The following DSCAM variants were observed in gnomAD, a reference collection of about 807,000 sequenced individuals.
The protein encoded by DSCAM is DS cell adhesion molecule, also known as cell adhesion molecule DSCAM.
In DSCAM, 47 loss-of-function variants were observed where a neutral mutation model predicts 217.7. The ratio of observed to expected loss-of-function variants is 0.22; its 90% CI spans 0.17 to 0.28. The LOEUF is 0.28. Ranked by LOEUF, DSCAM falls within the 10% of genes least tolerant of loss-of-function variation. The pLI, the probability that DSCAM is intolerant of heterozygous loss-of-function variation, is 1.00. For synonymous variants in DSCAM, 1,056 were observed against 1,015.3 expected (o/e 1.04, Z -0.76); for missense variants, 2,080 against 2,618.3 (o/e 0.79, Z 4.49).
intron 1 of DSCAM, among the ~76,000 whole-genome samples, chr21:40,741,488 T>A (rs1347656092): frequency 6.6e-6 from 1 of 152,176 alleles, no homozygotes; most frequent in Non-Finnish European, 1.5e-5. Context: ...TGGTTCCCCA[T>A]ACCAACAACA....
At chr21:40,535,251 AAAC>A (rs2076486376) in intron 3 of DSCAM, among the ~76,000 whole-genome samples, 1 of 152,234 alleles carries the variant, frequency 6.6e-6, no homozygotes, top group Non-Finnish European at 1.5e-5. Flanking sequence ...TAAGCACTAA[AAAC>A]AAAATGTTCA....
At chr21:40,821,137 CATATAT>C (rs5844044) in intron 1 of DSCAM, among the ~76,000 whole-genome samples, 1 of 138,266 alleles carries the variant, frequency 7.2e-6, no homozygotes, top group African/African-American at 2.7e-5. Flanking sequence ...TATATCTTCA[CATATAT>C]ATATATACAC....
chr21:40,222,752 G>A (rs9982745), intron 11 of DSCAM, among the ~76,000 whole-genome samples: 79,004 of 151,970 alleles, frequency 0.52, 20,839 homozygotes, highest in Middle Eastern at 0.64. Flanking sequence ...GTAATCTCTA[G>A]TACAGCAAAT....
At chr21:40,141,319 T>A (rs2090287111) in intron 18 of DSCAM, among the ~76,000 whole-genome samples, 1 of 152,056 alleles carries the variant, frequency 6.6e-6, no homozygotes, top group South Asian at 2.1e-4. Flanking sequence ...TCAGAGGGGT[T>A]GAAAGAAGCC....
intron 3 of DSCAM, among the ~76,000 whole-genome samples, chr21:40,472,712 T>C (rs28582444): frequency 0.14 from 20,608 of 152,160 alleles, 1,508 homozygotes; most frequent in Middle Eastern, 0.2. Flanking sequence ...TTTTTTTAAA[T>C]GGTTTGTGTG....
At chr21:40,412,313 A>G (rs1175846250) in intron 3 of DSCAM, among the ~76,000 whole-genome samples, 1 of 152,230 alleles carries the variant, frequency 6.6e-6, no homozygotes, top group African/African-American at 2.4e-5. Flanking sequence ...GGTAACAAGA[A>G]GAGGCTGGGA....
chr21:40,078,647 C>G, intron 26 of DSCAM, 40 bp downstream of exon 26: 1 of 1,593,558 alleles, frequency 6.3e-7, no homozygotes, highest in Non-Finnish European at 8.6e-7. Context: ...GCACATCCCC[C>G]AAGACACAAG....
chr21:40,171,068 C>G (rs967629301), intron 15 of DSCAM, among the ~76,000 whole-genome samples: 3 of 152,140 alleles, frequency 2.0e-5, no homozygotes, highest in Non-Finnish European at 4.4e-5. Context: ...CTTTTCCAAT[C>G]TGGTCTGGTA....
At chr21:40,632,105 G>A (rs1230219492) in intron 3 of DSCAM, among the ~76,000 whole-genome samples, 1 of 152,180 alleles carries the variant, frequency 6.6e-6, no homozygotes, top group Non-Finnish European at 1.5e-5. Flanking sequence ...CCCTGGGCAT[G>A]GGGCCTCCAA....
chr21:40,562,825 C>T (rs1330139658), intron 3 of DSCAM, among the ~76,000 whole-genome samples: 1 of 152,126 alleles, frequency 6.6e-6, no homozygotes, highest in Non-Finnish European at 1.5e-5. Context: ...GCAATGCTCA[C>T]AAAAACTACT....
At chr21:40,778,059 G>T (rs1470790713) in intron 1 of DSCAM, among the ~76,000 whole-genome samples, 1 of 152,078 alleles carries the variant, frequency 6.6e-6, no homozygotes, top group African/African-American at 2.4e-5. Context: ...ACTCTTTTAT[G>T]AAAAAGATAA....
intron 3 of DSCAM, among the ~76,000 whole-genome samples, chr21:40,442,656 A>C (rs2205078): frequency 0.68 from 103,415 of 151,198 alleles, 35,856 homozygotes; most frequent in Middle Eastern, 0.81. Flanking sequence ...AATAGCTGGG[A>C]GCACACCATC....
In DSCAM at chr21:40,713,562, A is replaced by G. The variant is rs374601484; in HGVS notation, c.44-4791T>C. On this transcript the variant is annotated intron_variant, in intron 1 of 32. Coordinates refer to ENST00000400454, the MANE Select transcript of DSCAM (RefSeq NM_001389.5). Reference sequence around the variant, plus strand: ...TTAACTAAGGTTAGGAAATATATCAATAAATATGTTGGTGTGGGGATGAGG... The same window carrying G: ...TTAACTAAGGTTAGGAAATATATCAGTAAATATGTTGGTGTGGGGATGAGG... Among the ~76,000 whole-genome samples, 37 of 152,294 alleles carry G rather than the reference A, an allele frequency of 2.4e-4. No individual in the cohort carries two copies. In the South Asian group the frequency reaches 7.7e-3, roughly 32 times the overall value.
intron 28 of DSCAM, among the ~76,000 whole-genome samples, chr21:40,059,581 C>T (rs566113224): frequency 8.5e-5 from 13 of 152,264 alleles, no homozygotes; most frequent in Admixed American, 2.0e-4. Context: ...CTCAGCTAAT[C>T]TCCCTGAAAT....
chr21:40,046,509 A>C (rs1189565461), intron 30 of DSCAM, among the ~76,000 whole-genome samples: 43 of 152,178 alleles, frequency 2.8e-4, no homozygotes. Context: ...TTCTTCACCG[A>C]AATGCTAGGA....
chr21:40,340,247 G>C (rs1221420435), intron 6 of DSCAM, among the ~76,000 whole-genome samples: 3 of 152,106 alleles, frequency 2.0e-5, no homozygotes, highest in Non-Finnish European at 4.4e-5. Flanking sequence ...GCATGACCCA[G>C]AACTATCGCA....
At chr21:40,597,175 C>T (rs755502822) in intron 3 of DSCAM, among the ~76,000 whole-genome samples, 15 of 152,088 alleles carry the variant, frequency 9.9e-5, no homozygotes, top group Non-Finnish European at 1.6e-4. Flanking sequence ...TATATTTAGC[C>T]GTTATTTCTA....
At chr21:40,190,396 C>T (rs575420093) in intron 11 of DSCAM, among the ~76,000 whole-genome samples, 7 of 152,172 alleles carry the variant, frequency 4.6e-5, no homozygotes, top group East Asian at 1.9e-4. Flanking sequence ...TATATAATGG[C>T]GGTGCTTTGA....
intron 32 of DSCAM, among the ~76,000 whole-genome samples, chr21:40,020,570 T>G (rs575221595): frequency 1.3e-5 from 2 of 151,314 alleles, no homozygotes; most frequent in East Asian, 3.9e-4. Context: ...GGAGGGAAAA[T>G]CTAACTGGAA....
Sources: gnomAD v4.1 joint callset for allele counts (sites outside exome capture counted in the v4.1 genomes callset) on GRCh38, gnomAD v4.1.1 for gene constraint, MANE v1.5 for transcripts, NCBI Gene and HGNC (gene_info 2026-07-23, HGNC 2026-07-21) for gene names.